Variants in CDC14A observed in about 807,000 individuals in gnomAD.
CDC14A encodes the protein dual specificity protein phosphatase CDC14A.
CDC14A carries 53 observed loss-of-function variants against 74.4 expected under a neutral mutation model. The ratio of observed to expected loss-of-function variants is 0.71; its 90% confidence interval spans 0.57 to 0.89. The LOEUF is 0.89. CDC14A is among the 40% of genes least tolerant of loss of function. The pLI is 0.00. For synonymous variants in CDC14A, 247 were observed against 258.4 expected, an observed-to-expected ratio of 0.96 and a Z score of 0.43; for missense variants, 646 against 713.7, an observed-to-expected ratio of 0.91 and a Z score of 1.08.
chr1:100,361,099 TAA>T (rs11339221), intron 2 of CDC14A, among the ~76,000 whole-genome samples: 5 of 140,294 alleles, frequency 3.6e-5, no homozygotes, highest in Non-Finnish European at 3.1e-5. Flanking sequence ...CCTTTGTGCT[TAA>T]AAAAAAAAAA....
chr1:100,374,612 T>C (rs186425003), intron 2 of CDC14A, among the ~76,000 whole-genome samples: 1 of 152,270 alleles, frequency 6.6e-6, no homozygotes, highest in East Asian at 1.9e-4. Context: ...GTGCCACCTG[T>C]AATATAAATT....
intron 10 of CDC14A, among the ~76,000 whole-genome samples, chr1:100,471,486 A>G (rs922855750): frequency 2.6e-5 from 4 of 152,176 alleles, no homozygotes; most frequent in African/African-American, 9.6e-5. Flanking sequence ...AGAAAACCGA[A>G]GAATTTTTTT....
intron 11 of CDC14A, among the ~76,000 whole-genome samples, chr1:100,490,215 G>C (rs1461637347): frequency 6.6e-6 from 1 of 152,120 alleles, no homozygotes; most frequent in Non-Finnish European, 1.5e-5. Context: ...ATTTATGTCT[G>C]TGTGTCTTAT....
At chr1:100,410,027 T>C (rs1394569399) in intron 4 of CDC14A, among the ~76,000 whole-genome samples, 1 of 152,092 alleles carries the variant, frequency 6.6e-6, no homozygotes, top group African/African-American at 2.4e-5. Context: ...CTGGGAAACA[T>C]AGTGAAACCT....
chr1:100,388,695 C>T (rs1657215210), intron 3 of CDC14A, among the ~76,000 whole-genome samples: 1 of 152,144 alleles, frequency 6.6e-6, no homozygotes, highest in South Asian at 2.1e-4. Flanking sequence ...CAGCCTCCAT[C>T]TCCTGAGCTT....
chr1:100,507,446 G>A (rs1187596741), intron 15 of CDC14A, among the ~76,000 whole-genome samples: 1 of 151,820 alleles, frequency 6.6e-6, no homozygotes, highest in African/African-American at 2.4e-5. Flanking sequence ...TTTAGTTATG[G>A]AAAATTCTCA....
intron 2 of CDC14A, among the ~76,000 whole-genome samples, chr1:100,376,745 A>G (rs887641611): frequency 2.6e-5 from 4 of 152,206 alleles, no homozygotes; most frequent in African/African-American, 9.7e-5. Context: ...GGGAGGAGCC[A>G]GTGTGTCTTA....
At chr1:100,372,479 A>G (rs942822335) in intron 2 of CDC14A, among the ~76,000 whole-genome samples, 4 of 152,240 alleles carry the variant, frequency 2.6e-5, no homozygotes, top group Non-Finnish European at 1.5e-5. Flanking sequence ...TCATTTCAAT[A>G]ATATTCACAG....
chr1:100,448,278 A>G (rs922276204), intron 7 of CDC14A, among the ~76,000 whole-genome samples: 3 of 152,230 alleles, frequency 2.0e-5, no homozygotes, highest in Admixed American at 6.5e-5. Context: ...AGCTGCCATT[A>G]TCTGCCCCCT....
At chr1:100,511,956 G>T (rs1195269534) in intron 15 of CDC14A, among the ~76,000 whole-genome samples, 2 of 152,048 alleles carry the variant, frequency 1.3e-5, no homozygotes, top group Admixed American at 1.3e-4. Flanking sequence ...TTGGCATTCA[G>T]GGTTCTTCCC....
At chr1:100,358,957 G>A (rs528238562) in intron 2 of CDC14A, among the ~76,000 whole-genome samples, 1 of 152,238 alleles carries the variant, frequency 6.6e-6, no homozygotes, top group Middle Eastern at 3.4e-3. Context: ...ATAGCAAGTA[G>A]GATAATTTAA....
At chr1:100,443,759 G>A (rs139177074) in intron 7 of CDC14A, among the ~76,000 whole-genome samples, 26 of 152,086 alleles carry the variant, frequency 1.7e-4, no homozygotes, top group Admixed American at 9.8e-4. Flanking sequence ...TTAATGTCTT[G>A]ACTGCTCAAA....
chr1:100,433,718 T>A (rs530548466), intron 5 of CDC14A, among the ~76,000 whole-genome samples: 8 of 152,318 alleles, frequency 5.3e-5, no homozygotes, highest in Non-Finnish European at 1.0e-4. Flanking sequence ...TTCTTTCATC[T>A]CTGGTTTCAT....
At chr1:100,384,040 G>T (rs1169388982) in intron 3 of CDC14A, among the ~76,000 whole-genome samples, 1 of 152,084 alleles carries the variant, frequency 6.6e-6, no homozygotes, top group Non-Finnish European at 1.5e-5. Context: ...TGAGCTATTT[G>T]TTATTTGTGC....
At chr1:100,449,930 G>A (rs960095654) in intron 7 of CDC14A, among the ~76,000 whole-genome samples, 1 of 152,040 alleles carries the variant, frequency 6.6e-6, no homozygotes, top group African/African-American at 2.4e-5. Context: ...AATATTCCAA[G>A]GGACAAATTT....
chr1:100,493,661 A>G (rs552373167), intron 11 of CDC14A, among the ~76,000 whole-genome samples: 2 of 152,286 alleles, frequency 1.3e-5, no homozygotes, highest in South Asian at 4.1e-4. Context: ...CTTTCCTGGG[A>G]TCTTGGGCTG....
chr1:100,462,084 T>A (rs1301189490), intron 8 of CDC14A, among the ~76,000 whole-genome samples: 3 of 152,162 alleles, frequency 2.0e-5, no homozygotes, highest in African/African-American at 4.8e-5. Context: ...CAACACCCCC[T>A]CTTTTAGTTT....
intron 4 of CDC14A, chr1:100,423,647 G>A (rs1662617354): frequency 6.5e-6 from 1 of 154,134 alleles, no homozygotes; most frequent in African/African-American, 2.4e-5. Flanking sequence ...TCAGACTAGA[G>A]GGATTTAAGT....
At chr1:100,473,978 T>A (rs938821934) in intron 10 of CDC14A, among the ~76,000 whole-genome samples, 1 of 152,132 alleles carries the variant, frequency 6.6e-6, no homozygotes, top group African/African-American at 2.4e-5. Context: ...GTATGTTAAT[T>A]GAGGTTTTCT....
Sources: gnomAD v4.1 joint callset for allele counts (sites outside exome capture counted in the v4.1 genomes callset) on GRCh38, gnomAD v4.1.1 for gene constraint, MANE v1.5 for transcripts, NCBI Gene and HGNC (gene_info 2026-07-23, HGNC 2026-07-21) for gene names.